The following NME8 variants were observed in gnomAD, a reference collection of about 807,000 sequenced individuals.
NME8 encodes the protein NME/NM23 family member 8, also known as protein NME8.
A neutral mutation model predicts 82.3 loss-of-function variants in NME8; 72 were observed. That is an observed-to-expected ratio of 0.87 (90% CI 0.72 to 1.06). NME8 has a LOEUF of 1.06. Ranked by LOEUF, NME8 falls within the 50% of genes least tolerant of loss-of-function variation. The pLI, the probability that NME8 is intolerant of heterozygous loss-of-function variation, is 0.00. For missense variants in NME8, 712 were observed against 685.4 expected (o/e 1.04, Z -0.43); for synonymous variants, 267 against 228.5 (o/e 1.17, Z -1.52).
At chr7:37,871,263 T>C (rs890113389) in intron 11 of NME8, among the ~76,000 whole-genome samples, 27 of 152,140 alleles carry the variant, frequency 1.8e-4, no homozygotes, top group Non-Finnish European at 3.8e-4. Flanking sequence ...ATGCCATCGA[T>C]GGTCTGCCTG....
rs772576073 is a variant in NME8 at position 37,865,626 on chromosome 7, G to A, written c.621+9G>A. The A allele has an allele frequency of 3.1e-6, 5 of 1,593,080 alleles. No individual in the cohort carries two copies. Among genetic ancestry groups the A allele is most frequent in the Non-Finnish European group, 3.4e-6 (4 of 1,161,126 alleles). On this transcript the variant is annotated intron_variant, in intron 10 of 17. Coordinates refer to ENST00000199447, the MANE Select transcript of NME8 (RefSeq NM_016616.5). ...GTCGAATAGCAGACCAGGTATGAAAGTTAAAAAGAAAAAATCCTCTATGTG... is the reference window on the plus strand; with the variant it reads ...GTCGAATAGCAGACCAGGTATGAAAATTAAAAAGAAAAAATCCTCTATGTG...
At chr7:37,871,672 T>A (rs1454475589) in intron 11 of NME8, among the ~76,000 whole-genome samples, 1 of 152,196 alleles carries the variant, frequency 6.6e-6, no homozygotes, top group East Asian at 1.9e-4. Flanking sequence ...AGTTTAAGTC[T>A]TTATGACAGA....
rs1359324706 is a variant in NME8, at chr7:37,864,331, T to C, written c.455-17T>C. ...CCAAGAAAATGAAATTCTGTCTTTT[T>C]CTAAATTTTTTTCCAGAGGAATTAT... On this transcript the variant is annotated splice_polypyrimidine_tract_variant and intron_variant, in intron 8 of 17. Coordinates refer to ENST00000199447, the MANE Select transcript of NME8 (RefSeq NM_016616.5). The C allele has an allele frequency of 2.5e-6, 4 of 1,590,922 alleles. No individual in the cohort carries two copies. The African/African-American group carries it at 4.0e-5, about 16-fold the overall frequency.
chr7:37,858,159 C>A (rs1784540823), intron 6 of NME8, among the ~76,000 whole-genome samples: 1 of 152,166 alleles, frequency 6.6e-6, no homozygotes, highest in Non-Finnish European at 1.5e-5. Flanking sequence ...CAGGGTATAG[C>A]TGCTACAGAG....
At chr7:37,889,164 T>C (rs1157123045) in intron 15 of NME8, among the ~76,000 whole-genome samples, 1 of 152,032 alleles carries the variant, frequency 6.6e-6, no homozygotes, top group Non-Finnish European at 1.5e-5. Flanking sequence ...GTAAATATAG[T>C]TAAATTATAT....
At chr7:37,886,726 G>A (rs1785046186) in intron 14 of NME8, among the ~76,000 whole-genome samples, 1 of 152,080 alleles carries the variant, frequency 6.6e-6, no homozygotes, top group Non-Finnish European at 1.5e-5. Context: ...GGATGACTCA[G>A]GCTGTTTCAT....
At position 37,876,227 on chromosome 7, in the gene NME8, TATATAG is replaced by T. The variant is rs60339844; in HGVS notation, c.819-601_819-596del. 8.7e-3 allele frequency among the ~76,000 whole-genome samples: 1,123 copies of T among 129,146 alleles called. 7 individuals carry two copies. The highest frequency in any genetic ancestry group is 0.013 in the Non-Finnish European group (805 of 60,622). 84.7% of individuals were successfully genotyped at this position (129,146 alleles called of 152,430 possible). ...ATCTCAAAAAAACACTATATATATA[TATATAG>T]ATAGATAGATAGATAGATAGATAGA... On this transcript the variant is annotated intron_variant, in intron 11 of 17. Coordinates refer to ENST00000199447, the MANE Select transcript of NME8 (RefSeq NM_016616.5).
At chr7:37,889,366 T>C (rs891973537) in intron 15 of NME8, among the ~76,000 whole-genome samples, 20 of 151,638 alleles carry the variant, frequency 1.3e-4, no homozygotes, top group African/African-American at 4.8e-4. Context: ...TGGTTTTATC[T>C]TCATGATTTT....
intron 5 of NME8, among the ~76,000 whole-genome samples, 177 bp downstream of exon 5, chr7:37,850,912 AT>A (rs763629984): frequency 6.6e-6 from 1 of 152,162 alleles, no homozygotes; most frequent in Non-Finnish European, 1.5e-5. Flanking sequence ...AATGAATATG[AT>A]TTTTATCCCA....
At position 37,863,463 on chromosome 7, in the gene NME8, G is replaced by A. The variant is rs538425312; in HGVS notation, c.454+1G>A. On this transcript the variant is annotated splice_donor_variant, in intron 8 of 17. Coordinates refer to ENST00000199447, the MANE Select transcript of NME8 (RefSeq NM_016616.5). LOFTEE classifies it high-confidence loss of function. ...GAAGAATCACCATGTGAAAGTGTTCGTAAGTAAATTTACTTCAAAGTAATC... is the reference window on the plus strand; with the variant it reads ...GAAGAATCACCATGTGAAAGTGTTCATAAGTAAATTTACTTCAAAGTAATC... 83 of 1,579,574 alleles carry A rather than the reference G, an allele frequency of 5.3e-5. No individual in the cohort carries two copies. Among genetic ancestry groups the A allele is most frequent in the South Asian group, 1.0e-4 (9 of 90,366 alleles).
At chr7:37,880,222 T>A (rs1454762563) in intron 12 of NME8, among the ~76,000 whole-genome samples, 2 of 152,190 alleles carry the variant, frequency 1.3e-5, no homozygotes, top group East Asian at 3.8e-4. Flanking sequence ...AGCTTATTAG[T>A]TATTTCTTTT....
At chr7:37,853,308 T>TGTTACTG (rs1784461872) in intron 5 of NME8, among the ~76,000 whole-genome samples, 2 of 152,244 alleles carry the variant, frequency 1.3e-5, no homozygotes, top group South Asian at 4.1e-4. Flanking sequence ...GTAGTTTTTT[T>TGTTACTG]AAAGACGAGA....
At chr7:37,885,043 A>G (rs1785019932) in intron 13 of NME8, 102 bp from the exon 14 acceptor site, 2 of 746,470 alleles carry the variant, frequency 2.7e-6, no homozygotes, top group East Asian at 2.7e-5. Context: ...TACATGTTAC[A>G]TGTTTTTGAT....
intron 14 of NME8, 83 bp from the exon 15 acceptor site, chr7:37,888,194 T>G: frequency 7.2e-7 from 1 of 1,392,926 alleles, no homozygotes; most frequent in East Asian, 2.3e-5. Context: ...TGTTATTTGA[T>G]AACTTTTGAA....
intron 12 of NME8, among the ~76,000 whole-genome samples, chr7:37,881,531 T>A (rs560163511): frequency 6.6e-6 from 1 of 152,320 alleles, no homozygotes; most frequent in African/African-American, 2.4e-5. Flanking sequence ...GTAATTTTTT[T>A]ATACATTGTT....
intron 11 of NME8, among the ~76,000 whole-genome samples, chr7:37,873,359 C>CAAAAAAAAAAA (rs10647118): frequency 9.5e-6 from 1 of 105,466 alleles, no homozygotes; most frequent in Non-Finnish European, 1.9e-5. Context: ...GACTCTGTCT[C>CAAAAAAAAAAA]AAAAAAAAAA....
At position 37,850,785 on chromosome 7, in the gene NME8, TTTAAGTATCCTCTAATACTTTAAG is replaced by T. The variant is rs1385552770; in HGVS notation, c.198+52_198+75del. ...CACTGTTTTCACATTATATTAAGTT[TTTAAGTATCCTCTAATACTTTAAG>T]TATTGTCTTAATTTAAACAACCTGT... is the stretch of plus-strand genomic sequence containing the variant. On this transcript the variant is annotated intron_variant, in intron 5 of 17. Coordinates refer to ENST00000199447, the MANE Select transcript of NME8 (RefSeq NM_016616.5). The T allele has an allele frequency of 6.0e-6, 7 of 1,175,020 alleles. No individual in the cohort carries two copies. The African/African-American group carries it at 7.6e-5, about 13-fold the overall frequency. The allele number at this position is 1,175,020 out of a possible 1,614,324, so 72.8% of individuals were successfully genotyped here.
At chr7:37,889,841 C>T (rs1358286362) in intron 15 of NME8, among the ~76,000 whole-genome samples, 1 of 151,848 alleles carries the variant, frequency 6.6e-6, no homozygotes, top group African/African-American at 2.4e-5. Context: ...TTTGATTCAT[C>T]TTGATTTATT....
intron 15 of NME8, among the ~76,000 whole-genome samples, chr7:37,894,040 C>G (rs1292262779): frequency 6.6e-6 from 1 of 152,138 alleles, no homozygotes; most frequent in Non-Finnish European, 1.5e-5. Flanking sequence ...GAGATTTTGA[C>G]AACATTTGCT....
Sources: allele counts gnomAD v4.1 joint callset (sites outside exome capture counted in the v4.1 genomes callset), GRCh38; gene constraint gnomAD v4.1.1; transcripts MANE v1.5; gene names NCBI Gene and HGNC (gene_info 2026-07-23, HGNC 2026-07-21).